The following ATXN1 variants were observed in gnomAD, a reference collection of about 807,000 sequenced individuals.
ATXN1 encodes ataxin 1.
A neutral mutation model predicts 56.4 loss-of-function variants in ATXN1; 8 were observed. The observed-to-expected ratio is 0.14, with a 90% CI of 0.08 to 0.26. The LOEUF is 0.26. ATXN1 is among the 10% of genes least tolerant of loss of function. ATXN1 has a pLI of 1.00. For synonymous variants in ATXN1, 514 were observed against 494.6 expected (o/e 1.04, Z -0.52); for missense variants, 987 against 1,106.5 (o/e 0.89, Z 1.53).
intron 7 of ATXN1, among the ~76,000 whole-genome samples, chr6:16,308,190 G>A (rs1015146223): frequency 2.0e-5 from 3 of 152,144 alleles, no homozygotes; most frequent in Non-Finnish European, 4.4e-5. Context: ...GCCAGGTGTG[G>A]TGGCAGGCGC....
intron 6 of ATXN1, among the ~76,000 whole-genome samples, chr6:16,417,237 G>GT (rs1294390301): frequency 1.3e-5 from 2 of 152,096 alleles, no homozygotes; most frequent in Non-Finnish European, 2.9e-5. Context: ...GTCTCACTAT[G>GT]TTGCCCAGGC....
intron 5 of ATXN1, among the ~76,000 whole-genome samples, chr6:16,516,047 C>G (rs1238184957): frequency 1.3e-5 from 2 of 152,218 alleles, no homozygotes; most frequent in South Asian, 2.1e-4. Context: ...AGGCCAATGT[C>G]TGGCAGGCCG....
chr6:16,358,966 G>A (rs557711504), intron 6 of ATXN1, among the ~76,000 whole-genome samples: 11 of 152,280 alleles, frequency 7.2e-5, no homozygotes, highest in African/African-American at 2.6e-4. Flanking sequence ...GAGCTCCCGG[G>A]TGCAGCTGTG....
chr6:16,659,476 G>A (rs1377432158), intron 2 of ATXN1, among the ~76,000 whole-genome samples: 2 of 152,154 alleles, frequency 1.3e-5, no homozygotes, highest in East Asian at 3.9e-4. Flanking sequence ...ATATCTTGCT[G>A]CATTTCTCTT....
intron 6 of ATXN1, among the ~76,000 whole-genome samples, chr6:16,380,084 T>C (rs1166360566): frequency 6.6e-6 from 1 of 152,180 alleles, no homozygotes; most frequent in Admixed American, 6.5e-5. Context: ...ACTTCCCTGA[T>C]TTTGGTCAGG....
chr6:16,720,701 G>T (rs1759728787), intron 2 of ATXN1, among the ~76,000 whole-genome samples: 1 of 152,002 alleles, frequency 6.6e-6, no homozygotes, highest in Non-Finnish European at 1.5e-5. Flanking sequence ...TTTATTATTT[G>T]GGTCGAGCTA....
intron 6 of ATXN1, among the ~76,000 whole-genome samples, chr6:16,329,870 C>A (rs988121378): frequency 1.3e-5 from 2 of 152,204 alleles, no homozygotes; most frequent in African/African-American, 2.4e-5. Flanking sequence ...CAATGCCCAA[C>A]AGACAAGAGG....
intron 5 of ATXN1, among the ~76,000 whole-genome samples, chr6:16,501,282 G>A (rs1760880770): frequency 6.6e-6 from 1 of 152,186 alleles, no homozygotes; most frequent in Non-Finnish European, 1.5e-5. Context: ...ATGCCATAAG[G>A]AAACTGGAAG....
At chr6:16,701,850 G>A (rs1179480177) in intron 2 of ATXN1, among the ~76,000 whole-genome samples, 1 of 152,190 alleles carries the variant, frequency 6.6e-6, no homozygotes, top group Non-Finnish European at 1.5e-5. Context: ...CAAACAAATG[G>A]AAGAACATTC....
At position 16,628,518 on chromosome 6, in the gene ATXN1, T is replaced by C. The variant is rs530279652; in HGVS notation, c.-489+29258A>G. Among the ~76,000 whole-genome samples the C allele has an allele frequency of 7.9e-5, 12 of 152,328 alleles. 1 individual carries two copies. In the South Asian group the frequency reaches 1.7e-3, roughly 21 times the overall value. On this transcript the variant is annotated intron_variant, in intron 3 of 7. Transcript: ENST00000436367. ...TACATGTGCAGGTTTATTAAATAGA[T>C]AAACTCATGCCATGGGGGTTTGTTG...
intron 6 of ATXN1, among the ~76,000 whole-genome samples, chr6:16,404,806 C>A (rs564795788): frequency 1.8e-4 from 28 of 152,310 alleles, no homozygotes; most frequent in Admixed American, 8.5e-4. Flanking sequence ...GGGAGTCCGA[C>A]TGAGAGCAAG....
At chr6:16,685,141 T>C (rs1758891788) in intron 2 of ATXN1, among the ~76,000 whole-genome samples, 1 of 147,316 alleles carries the variant, frequency 6.8e-6, no homozygotes, top group South Asian at 2.1e-4. Flanking sequence ...TTCACTGTTA[T>C]GTCAGGTCAA....
intron 6 of ATXN1, among the ~76,000 whole-genome samples, chr6:16,454,184 G>A (rs1432195937): frequency 7.0e-6 from 1 of 143,348 alleles, no homozygotes; most frequent in Non-Finnish European, 1.5e-5. Context: ...AATATTTACT[G>A]AGTGCTTACA....
intron 4 of ATXN1, among the ~76,000 whole-genome samples, chr6:16,582,478 A>G (rs1265986951): frequency 6.6e-6 from 1 of 152,242 alleles, no homozygotes; most frequent in Non-Finnish European, 1.5e-5. Flanking sequence ...TCACAATTCA[A>G]AAGTTGTGCT....
intron 6 of ATXN1, among the ~76,000 whole-genome samples, chr6:16,406,963 T>C (rs1003127102): frequency 1.1e-4 from 16 of 152,264 alleles, no homozygotes; most frequent in Admixed American, 5.9e-4. Flanking sequence ...AAGTGTACCC[T>C]TTCTGCAGAA....
chr6:16,557,327 A>C (rs1762032666), intron 4 of ATXN1, among the ~76,000 whole-genome samples: 1 of 42,370 alleles, frequency 2.4e-5, no homozygotes, highest in South Asian at 8.2e-4. Context: ...ACCCCATTTC[A>C]AAAAAAAAAA....
intron 3 of ATXN1, among the ~76,000 whole-genome samples, chr6:16,606,929 C>T (rs1763020752): frequency 1.1e-5 from 1 of 91,552 alleles, no homozygotes; most frequent in Non-Finnish European, 2.4e-5. Context: ...TCTTATTGCG[C>T]AGGCTGGAGT....
chr6:16,730,487 G>GTATGCATA (rs1554128995), intron 2 of ATXN1, among the ~76,000 whole-genome samples: 1 of 132,060 alleles, frequency 7.6e-6, no homozygotes, highest in Non-Finnish European at 1.7e-5. Context: ...AAAACAGTAT[G>GTATGCATA]TATATATATA....
intron 5 of ATXN1, among the ~76,000 whole-genome samples, chr6:16,492,599 A>G (rs970359217): frequency 6.7e-6 from 1 of 148,776 alleles, no homozygotes; most frequent in African/African-American, 2.5e-5. Context: ...TAATTTGTCT[A>G]TTGTAACCAA....
Sources: gnomAD v4.1 joint callset for allele counts (sites outside exome capture counted in the v4.1 genomes callset) on GRCh38, gnomAD v4.1.1 for gene constraint, MANE v1.5 for transcripts, NCBI Gene and HGNC (gene_info 2026-07-23, HGNC 2026-07-21) for gene names.